The following RSBN1L variants were observed in gnomAD, a reference collection of about 807,000 sequenced individuals.
The protein encoded by RSBN1L is round spermatid basic protein 1 like.
In RSBN1L, 30 loss-of-function variants were observed where a neutral mutation model predicts 67.7. The observed-to-expected ratio is 0.44, with a 90% CI of 0.33 to 0.60. RSBN1L has a LOEUF of 0.60. Ranked by LOEUF, RSBN1L falls within the 20% of genes least tolerant of loss-of-function variation. RSBN1L has a pLI of 0.02. For synonymous variants in RSBN1L, 433 were observed against 387.0 expected (o/e 1.12, Z -1.39); for missense variants, 992 against 1,031.7 (o/e 0.96, Z 0.53).
chr7:77,764,211 A>G (rs1039571449), intron 3 of RSBN1L, among the ~76,000 whole-genome samples: 1 of 152,218 alleles, frequency 6.6e-6, no homozygotes, highest in African/African-American at 2.4e-5. Context: ...TTGGTCTCCT[A>G]AATTTGTTGT....
chr7:77,739,394 AT>A (rs889350263), intron 2 of RSBN1L, among the ~76,000 whole-genome samples: 27 of 152,090 alleles, frequency 1.8e-4, no homozygotes, highest in African/African-American at 5.8e-4. Flanking sequence ...ACACCAATTC[AT>A]TTTCTCCAGG....
chr7:77,696,963 A>G lies in RSBN1L; in HGVS notation c.494A>G (p.Glu165Gly), dbSNP rs767034028. ...AKSRRPKEKREKERRRHGLGG... is the reference protein window; with the variant it reads ...AKSRRPKEKRGKERRRHGLGG... ...TCGCGCAGACCTAAGGAGAAGCGGG[A>G]GAAGGAGAGGAGGAGGCACGGTCTC... Residue 165 changes from glutamate (E) to glycine (G), a missense_variant, in exon 1 of 8, where the codon GAG becomes GGG. Glu to Gly is a moderately conservative substitution (Grantham distance 98, BLOSUM62 -2). Transcript: ENST00000334955. The G allele has an allele frequency of 7.9e-5, 124 of 1,576,456 alleles. 1 individual carries two copies. In the Admixed American group the frequency reaches 2.2e-3, roughly 28 times the overall value.
In RSBN1L at chr7:77,696,771, G is replaced by C; in HGVS notation, c.302G>C (p.Arg101Pro). 1 of 1,613,756 alleles carries C rather than the reference G, an allele frequency of 6.2e-7. No individual in the cohort carries two copies. Among genetic ancestry groups the C allele is most frequent in the Non-Finnish European group, 8.5e-7 (1 of 1,180,004 alleles). ...GCTGCTCCCTCCCCGTCCTCTTCTCGGAGCAGTTTCTCTTTCTCCGCTGGC... is the reference window on the plus strand; with the variant it reads ...GCTGCTCCCTCCCCGTCCTCTTCTCCGAGCAGTTTCTCTTTCTCCGCTGGC... ...LSAAPSPSSS[R>P]SSFSFSAGTA... The change falls in exon 1 of 8, where the codon CGG (arginine) becomes CCG (proline). Residue 101 changes from arginine to proline, a missense_variant. Arg to Pro is a moderately radical substitution (Grantham distance 103). Transcript: ENST00000334955.
chr7:77,713,681 A>T (rs1202171300), intron 1 of RSBN1L, among the ~76,000 whole-genome samples: 104 of 147,232 alleles, frequency 7.1e-4, no homozygotes, highest in South Asian at 1.9e-3. Flanking sequence ...TTTTTTTTTA[A>T]AAATAGAGAC....
chr7:77,716,885 C>T (rs970837099), intron 1 of RSBN1L, among the ~76,000 whole-genome samples: 7 of 151,880 alleles, frequency 4.6e-5, no homozygotes, highest in Admixed American at 2.6e-4. Flanking sequence ...CTTGCCTTGG[C>T]CTCCCAAAGT....
intron 1 of RSBN1L, among the ~76,000 whole-genome samples, chr7:77,719,953 A>G (rs1181627075): frequency 6.6e-6 from 1 of 152,066 alleles, no homozygotes; most frequent in Non-Finnish European, 1.5e-5. Flanking sequence ...TCCGTAGAGA[A>G]AGGGTCTCGC....
rs571908364 is a variant in RSBN1L at position 77,781,496 on chromosome 7, A to G, written c.*2328A>G. The G allele has an allele frequency of 6.6e-6, 1 of 152,334 alleles. No homozygotes were observed. The allele number at this position is 152,334 out of a possible 1,614,324, so 9.4% of individuals were successfully genotyped here. ...AGTTGTGTTTTATTTCCAGTTTTCCAGTAGCATATATGTAGATGCATTGAG... is the reference window on the plus strand; with the variant it reads ...AGTTGTGTTTTATTTCCAGTTTTCCGGTAGCATATATGTAGATGCATTGAG... On this transcript the variant is annotated 3_prime_UTR_variant, in exon 8 of 8. Transcript: ENST00000334955.
At chr7:77,715,267 C>T (rs555180204) in intron 1 of RSBN1L, among the ~76,000 whole-genome samples, 50 of 152,234 alleles carry the variant, frequency 3.3e-4, no homozygotes, top group African/African-American at 1.1e-3. Flanking sequence ...AAGACTCTGT[C>T]TCAAAAAGAA....
chr7:77,723,163 A>C (rs1024423644), intron 1 of RSBN1L, among the ~76,000 whole-genome samples: 1 of 151,788 alleles, frequency 6.6e-6, no homozygotes, highest in Non-Finnish European at 1.5e-5. Flanking sequence ...ATGGGGTTTC[A>C]CTATGTTGGC....
intron 3 of RSBN1L, 102 bp from the exon 4 acceptor site, chr7:77,765,393 A>G (rs1362501176): frequency 7.4e-6 from 7 of 945,670 alleles, no homozygotes; most frequent in Non-Finnish European, 1.0e-5. Flanking sequence ...TATTGCTACA[A>G]AATGATAGCA....
intron 3 of RSBN1L, among the ~76,000 whole-genome samples, chr7:77,762,369 G>A (rs1791706794): frequency 6.6e-6 from 1 of 152,002 alleles, no homozygotes. Context: ...GACAGAGAAT[G>A]GGGGAAAAAT....
chr7:77,770,177 C>T (rs1791827936), intron 5 of RSBN1L, among the ~76,000 whole-genome samples: 1 of 151,928 alleles, frequency 6.6e-6, no homozygotes, highest in Non-Finnish European at 1.5e-5. Context: ...GTTTGAAGAT[C>T]AGCCTGGCCA....
chr7:77,750,379 A>G (rs927601290), intron 3 of RSBN1L, among the ~76,000 whole-genome samples: 1 of 133,710 alleles, frequency 7.5e-6, no homozygotes, highest in African/African-American at 2.9e-5. Context: ...TCCAGTCCTT[A>G]AATAGTTTTC....
chr7:77,763,266 A>G (rs1791719525), intron 3 of RSBN1L, among the ~76,000 whole-genome samples: 1 of 148,896 alleles, frequency 6.7e-6, no homozygotes, highest in African/African-American at 2.5e-5. Context: ...GTTTCGTGTC[A>G]CCACCCCTAA....
intron 1 of RSBN1L, among the ~76,000 whole-genome samples, chr7:77,697,619 C>G (rs188677064): frequency 1.3e-5 from 2 of 152,094 alleles, no homozygotes; most frequent in Non-Finnish European, 2.9e-5. Context: ...TCGTAAGGTA[C>G]CCTCCCTGCA....
At chr7:77,733,480 C>G (rs544520909) in intron 1 of RSBN1L, among the ~76,000 whole-genome samples, 1 of 152,088 alleles carries the variant, frequency 6.6e-6, no homozygotes, top group Non-Finnish European at 1.5e-5. Context: ...ATATCATACC[C>G]GAGTGCATAT....
chr7:77,709,447 G>T (rs60061776), intron 1 of RSBN1L, among the ~76,000 whole-genome samples: 1 of 151,682 alleles, frequency 6.6e-6, no homozygotes, highest in Non-Finnish European at 1.5e-5. Context: ...CCACCACTAC[G>T]CCTGGCTAAT....
rs879772995 is a variant in RSBN1L, at chr7:77,734,492, A to AT, written c.587-1906dup. On this transcript the variant is annotated intron_variant, in intron 1 of 7. Coordinates refer to ENST00000334955, the MANE Select transcript of RSBN1L (RefSeq NM_198467.3). ...CTAAGCTCCAGCTACTTGGAGTAACATTTTTTTTTTTTCCAAGATGTAATC... is the reference window on the plus strand; with the variant it reads ...CTAAGCTCCAGCTACTTGGAGTAACATTTTTTTTTTTTTCCAAGATGTAATC... Among the ~76,000 whole-genome samples, 276 of 145,248 alleles carry AT rather than the reference A, an allele frequency of 1.9e-3. 3 individuals are homozygous for AT. Among genetic ancestry groups the AT allele is most frequent in the African/African-American group, 6.1e-3 (242 of 39,900 alleles).
chr7:77,751,717 T>C (rs951158160), intron 3 of RSBN1L, among the ~76,000 whole-genome samples: 46 of 152,208 alleles, frequency 3.0e-4, no homozygotes, highest in African/African-American at 1.1e-3. Context: ...TAGTAACTCA[T>C]TTAATCCTCA....
Sources: gnomAD v4.1 joint callset for allele counts (sites outside exome capture counted in the v4.1 genomes callset) on GRCh38, gnomAD v4.1.1 for gene constraint, MANE v1.5 for transcripts, NCBI Gene and HGNC (gene_info 2026-07-23, HGNC 2026-07-21) for gene names.